RCC1L: variants seen among roughly 807,000 people sequenced by gnomAD.
The protein encoded by RCC1L is RCC1 like.
Under a neutral mutation model 58.6 loss-of-function variants are expected in RCC1L, and 46 were observed. The ratio of observed to expected loss-of-function variants is 0.79; its 90% CI spans 0.62 to 1.00. The LOEUF (loss-of-function observed/expected upper bound fraction) is 1.00, where lower values mean the gene tolerates loss of function less well. Ranked by LOEUF, RCC1L falls within the 50% of genes least tolerant of loss-of-function variation. RCC1L has a pLI of 0.00. For synonymous variants in RCC1L, 281 were observed against 262.9 expected (o/e 1.07, Z -0.67); for missense variants, 636 against 623.6 (o/e 1.02, Z -0.21).
Position 75,073,579 on chromosome 7 carries a change from C to A in RCC1L, c.159G>T (p.Glu53Asp). Residue 53 changes from glutamate to aspartate, a missense_variant, in exon 1 of 11, where the codon GAG (glutamate) becomes GAT (aspartate). Transcript: ENST00000610322. ...AGACGCGATCGGCGCGGGCAGCGCG[C>A]TCGCCCACGTACTGGACCACGGGCA... The part of the protein sequence containing the change: ...AEVPVVQYVG[E>D]RAARADRVFV... 6.6e-7 allele frequency: 1 copy of A among 1,513,720 alleles called. No homozygotes were observed. The allele number at this position is 1,513,720 out of a possible 1,614,324, so 93.8% of individuals were successfully genotyped here.
chr7:75,070,529 C>T, intron 2 of RCC1L, 111 bp downstream of exon 2: 1 of 1,427,988 alleles, frequency 7.0e-7, no homozygotes, highest in Admixed American at 2.3e-5. Flanking sequence ...CAGGATCTCG[C>T]CACTGCACTC....
At chr7:75,064,725 G>A (rs1288985705) in intron 3 of RCC1L, 77 bp from the exon 4 acceptor site, 14 of 1,520,450 alleles carry the variant, frequency 9.2e-6, no homozygotes, top group African/African-American at 4.1e-5. Flanking sequence ...AAGGGGTCTC[G>A]CTGGTGGTCC....
In RCC1L at chr7:75,042,426, GGT is replaced by G; in HGVS notation, c.*604_*605del. The G allele has an allele frequency of 1.0e-6, 1 of 986,378 alleles. No individual in the cohort carries two copies. The highest frequency in any genetic ancestry group is 1.2e-6 in the Non-Finnish European group (1 of 830,574). 61.1% of individuals were successfully genotyped at this position (986,378 alleles called of 1,614,324 possible). A position where few individuals can be genotyped will look rare whatever the true frequency, so the allele number is the denominator to read the frequency against. The stretch of plus-strand genomic sequence containing the variant: ...CTTTTCCAAGCCAGGCAGTGAGCGT[GGT>G]GGGAGGCTGGGGCTGGTGCCTGCGG... On this transcript the variant is annotated 3_prime_UTR_variant, in exon 11 of 11. Transcript: ENST00000610322.
chr7:75,029,362 CTTTT>C (rs1177516960), intron 10 of RCC1L, among the ~76,000 whole-genome samples: 4 of 126,176 alleles, frequency 3.2e-5, no homozygotes, highest in Non-Finnish European at 1.7e-5. Context: ...ATGGGGGGAT[CTTTT>C]TTTTTTTTTT....
intron 6 of RCC1L, among the ~76,000 whole-genome samples, chr7:75,059,509 T>G (rs1374620808): frequency 6.6e-6 from 1 of 152,078 alleles, no homozygotes. Flanking sequence ...TGACCTCAGG[T>G]GATCCGCCTG....
intron 1 of RCC1L, among the ~76,000 whole-genome samples, chr7:75,071,215 A>T (rs183052116): frequency 6.6e-6 from 1 of 152,138 alleles, no homozygotes. Flanking sequence ...TATATGTTTG[A>T]TAAGTATTAT....
At chr7:75,043,938 G>A (rs908911004) in intron 10 of RCC1L, among the ~76,000 whole-genome samples, 1,860 of 152,206 alleles carry the variant, frequency 0.012, 37 homozygotes, top group African/African-American at 0.035. Context: ...GGCAGGCTGC[G>A]TCCCAAGTCA....
At chr7:75,047,586 C>T (rs1358892400) in intron 10 of RCC1L, among the ~76,000 whole-genome samples, 2 of 152,124 alleles carry the variant, frequency 1.3e-5, no homozygotes, top group Non-Finnish European at 2.9e-5. Context: ...TTAACTTGTA[C>T]TCCTCTCCTG....
At position 75,058,767 on chromosome 7, in the gene RCC1L, G is replaced by C; in HGVS notation, c.790C>G (p.Leu264Val). The C allele has an allele frequency of 6.2e-7, 1 of 1,613,962 alleles. No homozygotes were observed. The highest frequency in any genetic ancestry group is 8.5e-7 in the Non-Finnish European group (1 of 1,179,844). ...CGWGADGQTG[L>V]GHYNITSSPT... ...GAGCTGGTGATATTGTAGTGACCCA[G>C]ACCTAACACAGTGGAAAATACAGAT... Residue 264 changes from leucine to valine, a missense_variant and splice_region_variant, in exon 7 of 11, where the codon CTG (leucine) becomes GTG (valine). Leu to Val is a conservative substitution (Grantham distance 32). Transcript: ENST00000610322.
intron 9 of RCC1L, among the ~76,000 whole-genome samples, chr7:75,053,829 C>T (rs1395769379): frequency 1.1e-4 from 17 of 152,198 alleles, no homozygotes; most frequent in Admixed American, 1.1e-3. Flanking sequence ...GGAATAATTA[C>T]AAGCTGTCTT....
intron 1 of RCC1L, 69 bp downstream of exon 1, chr7:75,073,345 G>C (rs992067720): frequency 2.8e-6 from 2 of 703,260 alleles, no homozygotes; most frequent in African/African-American, 3.8e-5. Context: ...GAAGAGAGCC[G>C]AACAGGTCGA....
At chr7:75,069,075 G>A (rs1806624922) in intron 2 of RCC1L, among the ~76,000 whole-genome samples, 1 of 151,928 alleles carries the variant, frequency 6.6e-6, no homozygotes, top group Non-Finnish European at 1.5e-5. Context: ...CACCATGTTG[G>A]TCAGGCTGGT....
chr7:75,073,770 C>G lies in RCC1L; in HGVS notation c.-33G>C, dbSNP rs1554446612. Reference sequence around the variant, plus strand: ...TCCGCGCCTCAGCAGCCTCTGGGCGCCGCCATCTTGCGTGACCCTTAACAC... The same window carrying G: ...TCCGCGCCTCAGCAGCCTCTGGGCGGCGCCATCTTGCGTGACCCTTAACAC... On this transcript the variant is annotated 5_prime_UTR_variant, in exon 1 of 11. Transcript: ENST00000610322. The G allele has an allele frequency of 6.7e-7, 1 of 1,492,244 alleles. No homozygotes were observed. The highest frequency in any genetic ancestry group is 2.6e-5 in the East Asian group (1 of 39,214). The allele number at this position is 1,492,244 out of a possible 1,614,324, so 92.4% of individuals were successfully genotyped here.
chr7:75,067,712 G>A (rs889130870), intron 2 of RCC1L, among the ~76,000 whole-genome samples: 1 of 152,124 alleles, frequency 6.6e-6, no homozygotes, highest in Non-Finnish European at 1.5e-5. Flanking sequence ...GGGAGGCTGA[G>A]GTGGGAGGAT....
At chr7:75,058,815 CA>C in intron 6 of RCC1L, 46 bp from the exon 7 acceptor site, 1 of 1,609,088 alleles carries the variant, frequency 6.2e-7, no homozygotes, top group Non-Finnish European at 8.5e-7. Flanking sequence ...GCTCTTTTAA[CA>C]AACACATAGG....
chr7:75,034,861 C>T (rs1805402429), intron 10 of RCC1L, among the ~76,000 whole-genome samples: 1 of 151,846 alleles, frequency 6.6e-6, no homozygotes, highest in Non-Finnish European at 1.5e-5. Context: ...GCTATATTGC[C>T]CAGGCTGCCC....
intron 6 of RCC1L, 105 bp downstream of exon 6, chr7:75,061,102 G>C: frequency 1.1e-6 from 1 of 940,908 alleles, no homozygotes; most frequent in Non-Finnish European, 1.8e-6. Flanking sequence ...GGTAAGAGCT[G>C]AATTAAGGAA....
chr7:75,035,875 C>T lies in RCC1L; in HGVS notation c.1318-7796G>A, dbSNP rs968298733. Among the ~76,000 whole-genome samples the T allele has an allele frequency of 1.4e-3, 212 of 151,932 alleles. 1 individual carries two copies. Among genetic ancestry groups the T allele is most frequent in the Admixed American group, 3.9e-3 (60 of 15,236 alleles). The stretch of plus-strand genomic sequence containing the variant: ...TTAAAAATTAGCCGGGCATGGCTTG[C>T]GTGCCTGTAATCCCAGCCACTTAGG... On this transcript the variant is annotated intron_variant, in intron 10 of 10. Coordinates refer to the RCC1L transcript ENST00000614461.
At chr7:75,047,951 T>TAAAA (rs1165495607) in intron 10 of RCC1L, among the ~76,000 whole-genome samples, 64 of 72,150 alleles carry the variant, frequency 8.9e-4, no homozygotes, top group South Asian at 2.2e-3. Flanking sequence ...GGCCAATAAT[T>TAAAA]AAAAAAAAAA....
Sources: gnomAD v4.1 joint callset for allele counts (sites outside exome capture counted in the v4.1 genomes callset) on GRCh38, gnomAD v4.1.1 for gene constraint, MANE v1.5 for transcripts, NCBI Gene and HGNC (gene_info 2026-07-23, HGNC 2026-07-21) for gene names.